PLCB1: variants seen among roughly 807,000 people sequenced by gnomAD.
PLCB1 encodes the protein 1-phosphatidylinositol 4,5-bisphosphate phosphodiesterase beta-1.
Under a neutral mutation model 161.8 loss-of-function variants are expected in PLCB1, and 46 were observed. The ratio of observed to expected loss-of-function variants is 0.28; its 90% confidence interval spans 0.22 to 0.36. PLCB1 has a LOEUF of 0.36. Ranked by LOEUF, PLCB1 falls within the 10% of genes least tolerant of loss-of-function variation. PLCB1 has a pLI of 1.00. For synonymous variants in PLCB1, 517 were observed against 503.7 expected (o/e 1.03, Z -0.35); for missense variants, 1,016 against 1,472.5 (o/e 0.69, Z 5.07).
At position 8,293,349 on chromosome 20, in the gene PLCB1, A is replaced by C. The variant is rs150634859; in HGVS notation, c.178-78033A>C. Among the ~76,000 whole-genome samples, 3 of 152,216 alleles carry C rather than the reference A, an allele frequency of 2.0e-5. No individual in the cohort carries two copies. The East Asian group carries it at 5.8e-4, about 29-fold the overall frequency. The stretch of plus-strand genomic sequence containing the variant: ...AAAATGGTGTTACTTGGGAAGAATG[A>C]CTGGTTCAGCTTAAAACTCAGTCTC... On this transcript the variant is annotated intron_variant, in intron 2 of 31. Coordinates refer to ENST00000338037, the MANE Select transcript of PLCB1 (RefSeq NM_015192.4).
At chr20:8,674,772 A>C (rs1203286890) in intron 9 of PLCB1, among the ~76,000 whole-genome samples, 2 of 152,172 alleles carry the variant, frequency 1.3e-5, no homozygotes, top group Non-Finnish European at 2.9e-5. Flanking sequence ...AGGACCAAGC[A>C]GAAGAATGTA....
intron 2 of PLCB1, among the ~76,000 whole-genome samples, chr20:8,295,935 A>T (rs1482882785): frequency 6.6e-6 from 1 of 151,828 alleles, no homozygotes; most frequent in African/African-American, 2.4e-5. Flanking sequence ...CTAGTCTCAA[A>T]TTCCTGGGTT....
Position 8,194,585 on chromosome 20 carries a change from G to A in PLCB1, c.177+44214G>A, listed in dbSNP as rs573416996. On this transcript the variant is annotated intron_variant, in intron 2 of 31. Coordinates refer to ENST00000338037, the MANE Select transcript of PLCB1 (RefSeq NM_015192.4). ...TTTTATTACCACACATATAATTCTG[G>A]TAAAAATTATGATGAATAATAGAGA... Among the ~76,000 whole-genome samples, 6 of 152,034 alleles carry A rather than the reference G, an allele frequency of 3.9e-5. No individual in the cohort carries two copies. The East Asian group carries it at 1.2e-3, about 29-fold the overall frequency.
At chr20:8,823,362 A>T (rs1985529932) in intron 31 of PLCB1, among the ~76,000 whole-genome samples, 2 of 152,118 alleles carry the variant, frequency 1.3e-5, no homozygotes, top group African/African-American at 4.8e-5. Flanking sequence ...ACCTCAGGTG[A>T]TCTGCCTGCC....
At chr20:8,416,086 G>C (rs1278238930) in intron 3 of PLCB1, among the ~76,000 whole-genome samples, 3 of 152,160 alleles carry the variant, frequency 2.0e-5, no homozygotes, top group Non-Finnish European at 4.4e-5. Flanking sequence ...TAGCCTGTAG[G>C]TTAAGGAATC....
chr20:8,553,906 G>A (rs751812937), intron 3 of PLCB1, among the ~76,000 whole-genome samples: 4 of 151,940 alleles, frequency 2.6e-5, no homozygotes, highest in Non-Finnish European at 2.9e-5. Context: ...GGAGGCTGAG[G>A]CAGAATAATC....
intron 11 of PLCB1, among the ~76,000 whole-genome samples, chr20:8,698,507 A>G (rs1056918084): frequency 3.3e-5 from 5 of 152,180 alleles, no homozygotes; most frequent in African/African-American, 9.7e-5. Flanking sequence ...GTTAATTATT[A>G]TGTAAGATTC....
At chr20:8,549,433 C>T (rs896893671) in intron 3 of PLCB1, among the ~76,000 whole-genome samples, 2 of 152,274 alleles carry the variant, frequency 1.3e-5, no homozygotes, top group Middle Eastern at 3.4e-3. Context: ...CTAGCTCATG[C>T]ACTTCCTGAT....
At chr20:8,559,132 CTA>C (rs1986059486) in intron 3 of PLCB1, among the ~76,000 whole-genome samples, 1 of 151,726 alleles carries the variant, frequency 6.6e-6, no homozygotes, top group Non-Finnish European at 1.5e-5. Context: ...GAATAAAAAT[CTA>C]TGTTAGTTTA....
At chr20:8,491,909 T>C (rs6055856) in intron 3 of PLCB1, among the ~76,000 whole-genome samples, 28,631 of 152,114 alleles carry the variant, frequency 0.19, 3,402 homozygotes, top group African/African-American at 0.33. Flanking sequence ...AACGGTTGTT[T>C]TGTATGTTTT....
chr20:8,427,255 T>C (rs965141322), intron 3 of PLCB1, among the ~76,000 whole-genome samples: 8 of 152,136 alleles, frequency 5.3e-5, no homozygotes, highest in African/African-American at 1.7e-4. Context: ...TAATGAAGAA[T>C]AGAAATCTGG....
At chr20:8,539,343 T>C (rs16994893) in intron 3 of PLCB1, among the ~76,000 whole-genome samples, 1,708 of 152,324 alleles carry the variant, frequency 0.011, 38 homozygotes, top group African/African-American at 0.038. Context: ...TCTCTGGTTT[T>C]GACACACTTC....
At chr20:8,554,788 G>C (rs1423644023) in intron 3 of PLCB1, among the ~76,000 whole-genome samples, 1 of 152,026 alleles carries the variant, frequency 6.6e-6, no homozygotes, top group Non-Finnish European at 1.5e-5. Flanking sequence ...AAATTGCCCA[G>C]CTTCTGAGTT....
intron 3 of PLCB1, among the ~76,000 whole-genome samples, chr20:8,500,186 G>A (rs1167347114): frequency 6.6e-6 from 1 of 152,126 alleles, no homozygotes; most frequent in African/African-American, 2.4e-5. Flanking sequence ...TATCAAATCA[G>A]TCCATGAGGT....
intron 3 of PLCB1, among the ~76,000 whole-genome samples, chr20:8,552,941 G>GGGTGAACTT (rs1985822368): frequency 6.6e-6 from 1 of 152,058 alleles, no homozygotes; most frequent in East Asian, 1.9e-4. Context: ...TGAGAATTTG[G>GGGTGAACTT]GATAAACTTG....
chr20:8,523,281 T>A (rs1239743384), intron 3 of PLCB1, among the ~76,000 whole-genome samples: 1 of 151,352 alleles, frequency 6.6e-6, no homozygotes, highest in Admixed American at 6.6e-5. Flanking sequence ...AGAAAGAGAA[T>A]GTATACGGCT....
chr20:8,759,763 GT>G (rs1399957075), intron 24 of PLCB1, among the ~76,000 whole-genome samples: 1 of 152,078 alleles, frequency 6.6e-6, no homozygotes, highest in Non-Finnish European at 1.5e-5. Flanking sequence ...GCCTCCCAGC[GT>G]TTGACTTTTA....
At chr20:8,456,781 A>C (rs986566481) in intron 3 of PLCB1, among the ~76,000 whole-genome samples, 2 of 152,182 alleles carry the variant, frequency 1.3e-5, no homozygotes, top group Non-Finnish European at 2.9e-5. Context: ...GTGAGAGCCC[A>C]CTACCTCACA....
intron 2 of PLCB1, among the ~76,000 whole-genome samples, chr20:8,199,967 G>A (rs2052074951): frequency 6.6e-6 from 1 of 152,038 alleles, no homozygotes; most frequent in Admixed American, 6.6e-5. Context: ...AGTTTACATA[G>A]GACCAAGTGG....
Sources: allele counts gnomAD v4.1 joint callset (sites outside exome capture counted in the v4.1 genomes callset), GRCh38; gene constraint gnomAD v4.1.1; transcripts MANE v1.5; gene names NCBI Gene and HGNC (gene_info 2026-07-23, HGNC 2026-07-21).